PRKAR1B: variants seen among roughly 807,000 people sequenced by gnomAD.
The protein encoded by PRKAR1B is cAMP-dependent protein kinase type I-beta regulatory subunit.
PRKAR1B carries 22 observed loss-of-function variants against 46.5 expected under a neutral mutation model. That is an observed-to-expected ratio of 0.47 (90% CI 0.34 to 0.68). The LOEUF (loss-of-function observed/expected upper bound fraction) is 0.68, where lower values mean the gene tolerates loss of function less well. Ranked by LOEUF, PRKAR1B falls within the 30% of genes least tolerant of loss-of-function variation. The pLI is 0.01. For synonymous variants in PRKAR1B, 259 were observed against 217.7 expected (o/e 1.19, Z -1.67); for missense variants, 445 against 535.6 (o/e 0.83, Z 1.67).
At chr7:719,937 ATTCT>A (rs1438328688) in intron 1 of PRKAR1B, among the ~76,000 whole-genome samples, 2 of 152,062 alleles carry the variant, frequency 1.3e-5, no homozygotes, top group African/African-American at 2.4e-5. Flanking sequence ...GCGTGCAGCA[ATTCT>A]TTCTGAGTAG....
chr7:561,157 A>G (rs541734981), intron 9 of PRKAR1B, among the ~76,000 whole-genome samples: 43 of 151,942 alleles, frequency 2.8e-4, no homozygotes, highest in African/African-American at 8.0e-4. Context: ...ACACCTGTGC[A>G]CACACACACG....
chr7:592,967 C>T lies in PRKAR1B; in HGVS notation c.708+3179G>A, dbSNP rs547754595. 1.6e-3 allele frequency among the ~76,000 whole-genome samples: 240 copies of T among 152,244 alleles called. 1 individual carries two copies. The highest frequency in any genetic ancestry group is 1.9e-3 in the Non-Finnish European group (131 of 68,014). ...GGGAGGATGGCTTGAGCCGGGGAGG[C>T]GGAGGCTACAGTGAGCCGAGATTGT... is the stretch of plus-strand genomic sequence containing the variant. On this transcript the variant is annotated intron_variant, in intron 7 of 10. Transcript: ENST00000537384.
intron 6 of PRKAR1B, among the ~76,000 whole-genome samples, chr7:605,323 C>T (rs1023000640): frequency 2.0e-5 from 3 of 152,196 alleles, no homozygotes; most frequent in East Asian, 3.9e-4. Flanking sequence ...CCATCAGCTC[C>T]GCACCAGCAA....
chr7:724,500 T>C (rs1474767712), intron 1 of PRKAR1B, among the ~76,000 whole-genome samples: 3 of 152,220 alleles, frequency 2.0e-5, no homozygotes, highest in Non-Finnish European at 4.4e-5. Context: ...TCGGCCATCA[T>C]TGTGAGGCCT....
intron 7 of PRKAR1B, among the ~76,000 whole-genome samples, chr7:591,984 A>G (rs1562544987): frequency 1.3e-5 from 2 of 152,360 alleles, no homozygotes; most frequent in East Asian, 1.9e-4. Flanking sequence ...ACCCAGCGTG[A>G]CAGACCCCAG....
chr7:571,366 A>G (rs1779500999), intron 9 of PRKAR1B, among the ~76,000 whole-genome samples: 1 of 152,116 alleles, frequency 6.6e-6, no homozygotes, highest in African/African-American at 2.4e-5. Flanking sequence ...CTTTCCTAAA[A>G]GCATCCAGCA....
chr7:584,545 C>A lies in PRKAR1B; in HGVS notation c.732G>T (p.Lys244Asn), dbSNP rs774230749. 1.2e-6 allele frequency: 2 copies of A among 1,613,902 alleles called. No individual in the cohort carries two copies. Among genetic ancestry groups the A allele is most frequent in the South Asian group, 2.2e-5 (2 of 91,016 alleles). ...CCTTGCTGAGGAACTCCTCGTACATCTTGCGTTTCCTCAGCGTGCTGCCCT... is the reference window on the plus strand; with the variant it reads ...CCTTGCTGAGGAACTCCTCGTACATATTGCGTTTCCTCAGCGTGCTGCCCT... ...ILMGSTLRKRKMYEEFLSKVS... is the reference protein window; with the variant it reads ...ILMGSTLRKRNMYEEFLSKVS... Residue 244 changes from lysine (K) to asparagine (N), a missense_variant, in exon 8 of 11, where the codon AAG becomes AAT. Lys to Asn is a moderately conservative substitution (Grantham distance 94). Coordinates refer to ENST00000537384, the MANE Select transcript of PRKAR1B (RefSeq NM_001164760.2).
At chr7:632,189 C>G (rs1003484376) in intron 4 of PRKAR1B, among the ~76,000 whole-genome samples, 1 of 152,186 alleles carries the variant, frequency 6.6e-6, no homozygotes, top group Non-Finnish European at 1.5e-5. Context: ...CTGTGTGAAC[C>G]CTGTGTCTCT....
At chr7:722,857 A>T (rs1410006563) in intron 1 of PRKAR1B, among the ~76,000 whole-genome samples, 1 of 152,164 alleles carries the variant, frequency 6.6e-6, no homozygotes, top group Non-Finnish European at 1.5e-5. Context: ...GTCCTACTCT[A>T]TTCCACCAGG....
chr7:579,495 T>C, intron 8 of PRKAR1B, 118 bp from the exon 9 acceptor site: 1 of 1,295,328 alleles, frequency 7.7e-7, no homozygotes, highest in Non-Finnish European at 1.1e-6. Flanking sequence ...CAACACCAGC[T>C]CCGTGACCAG....
rs1780484384 is a variant in PRKAR1B at position 584,466 on chromosome 7, A to G, written c.769+42T>C. 3.1e-6 allele frequency: 5 copies of G among 1,589,394 alleles called. No homozygotes were observed. In the East Asian group the frequency reaches 1.1e-4, roughly 36 times the overall value. ...AGGCCGGGGTGGCCAGCAGGCGCCC[A>G]GATGTCGGGACACACAGCCGTGCAG... On this transcript the variant is annotated intron_variant, in intron 8 of 10. Transcript: ENST00000537384.
chr7:573,867 T>C (rs1485108429), intron 9 of PRKAR1B, among the ~76,000 whole-genome samples: 2 of 152,138 alleles, frequency 1.3e-5, no homozygotes, highest in Non-Finnish European at 1.5e-5. Context: ...TCCCCACACC[T>C]GTCCTCAGCC....
At chr7:627,003 T>C (rs1380989175) in intron 4 of PRKAR1B, among the ~76,000 whole-genome samples, 1 of 152,168 alleles carries the variant, frequency 6.6e-6, no homozygotes, top group Non-Finnish European at 1.5e-5. Context: ...GCCTCCCGAA[T>C]AGCTGGGACT....
intron 4 of PRKAR1B, among the ~76,000 whole-genome samples, chr7:673,532 C>T (rs1171253800): frequency 1.3e-5 from 2 of 151,842 alleles, no homozygotes; most frequent in African/African-American, 4.8e-5. Flanking sequence ...GCCTGTAGTC[C>T]CAGCTACCTG....
intron 1 of PRKAR1B, chr7:712,701 C>A (rs1780723941): frequency 7.5e-6 from 1 of 133,274 alleles, no homozygotes; most frequent in Non-Finnish European, 1.6e-5. Flanking sequence ...CTGCCAGGAC[C>A]CCCCGCTGTC....
intron 6 of PRKAR1B, among the ~76,000 whole-genome samples, chr7:598,668 C>G (rs940200023): frequency 3.3e-5 from 5 of 152,212 alleles, no homozygotes; most frequent in Non-Finnish European, 7.3e-5. Context: ...CCTCCAGCAC[C>G]CTCTGCACTT....
intron 7 of PRKAR1B, among the ~76,000 whole-genome samples, chr7:585,994 G>C (rs545126013): frequency 6.6e-6 from 1 of 152,158 alleles, no homozygotes; most frequent in Non-Finnish European, 1.5e-5. Context: ...CCAGGGGCAC[G>C]CAGACACAGT....
At chr7:660,688 C>A (rs1562596003) in intron 4 of PRKAR1B, among the ~76,000 whole-genome samples, 1 of 132,824 alleles carries the variant, frequency 7.5e-6, no homozygotes, top group South Asian at 2.6e-4. Context: ...CAGGTCCCCA[C>A]CCCAACAAAT....
chr7:561,217 G>A (rs1041986746), intron 9 of PRKAR1B, among the ~76,000 whole-genome samples: 3 of 148,656 alleles, frequency 2.0e-5, no homozygotes, highest in Non-Finnish European at 4.5e-5. Context: ...TGCACACACA[G>A]GCACACAAAC....
Sources: allele counts gnomAD v4.1 joint callset (sites outside exome capture counted in the v4.1 genomes callset), GRCh38; gene constraint gnomAD v4.1.1; transcripts MANE v1.5; gene names NCBI Gene and HGNC (gene_info 2026-07-23, HGNC 2026-07-21).